The following TPM1 variants were observed in gnomAD, a reference collection of about 807,000 sequenced individuals.
TPM1 encodes tropomyosin 1.
Under a neutral mutation model 42.9 loss-of-function variants are expected in TPM1, and 24 were observed. The ratio of observed to expected loss-of-function variants is 0.56; its 90% CI spans 0.41 to 0.79. TPM1 has a LOEUF of 0.79. Ranked by LOEUF, TPM1 falls within the 30% of genes least tolerant of loss-of-function variation. The probability of loss-of-function intolerance (pLI) is 0.00; values close to 1 mark genes in which losing one functional copy is unlikely to be tolerated. For synonymous variants in TPM1, 136 were observed against 130.1 expected (o/e 1.05, Z -0.31); for missense variants, 158 against 351.8 (o/e 0.45, Z 4.41).
chr15:63,045,617 A>C (rs2032236168), intron 2 of TPM1: 1 of 152,268 alleles, frequency 6.6e-6, no homozygotes. Flanking sequence ...GAATTTGAAA[A>C]TAGCCCAGTA....
At chr15:63,049,052 C>T (rs576722410) in intron 2 of TPM1, 19 of 319,688 alleles carry the variant, frequency 5.9e-5, no homozygotes, top group Non-Finnish European at 1.1e-4. Context: ...CTTTGCGCTG[C>T]TGGCTTGCTT....
At position 63,045,636 on chromosome 15, in the gene TPM1, G is replaced by T. The variant is rs143630976; in HGVS notation, c.240+1484G>T. The T allele has an allele frequency of 2.0e-5, 3 of 152,250 alleles. No individual in the cohort carries two copies. The East Asian group carries it at 5.8e-4, about 29-fold the overall frequency. 9.4% of individuals were successfully genotyped at this position (152,250 alleles called of 1,614,324 possible). On this transcript the variant is annotated intron_variant, in intron 2 of 9. Coordinates refer to ENST00000403994, the MANE Select transcript of TPM1 (RefSeq NM_001018005.2). Reference sequence around the variant, plus strand: ...TTGAAAATAGCCCAGTAAGACTGAAGGCAAAAGAGGGAGAAAAAGGTTACT... The same window carrying T: ...TTGAAAATAGCCCAGTAAGACTGAATGCAAAAGAGGGAGAAAAAGGTTACT...
Position 63,048,499 on chromosome 15 carries a change from G to C in TPM1, c.240+4347G>C, listed in dbSNP as rs538759113. 1.6e-5 allele frequency: 24 copies of C among 1,458,510 alleles called. No homozygotes were observed. The South Asian group carries it at 2.4e-4, about 15-fold the overall frequency. The allele number at this position is 1,458,510 out of a possible 1,614,324, so 90.3% of individuals were successfully genotyped here. ...GGACCGGCGCTGGGCAGCCAGGACAGCCGCGGCAGCCGGGTCCGCAGGGCA... is the reference window on the plus strand; with the variant it reads ...GGACCGGCGCTGGGCAGCCAGGACACCCGCGGCAGCCGGGTCCGCAGGGCA... On this transcript the variant is annotated intron_variant, in intron 2 of 9. Transcript: ENST00000403994.
chr15:63,064,273 G>A, intron 9 of TPM1, 131 bp downstream of exon 9: 1 of 1,535,912 alleles, frequency 6.5e-7, no homozygotes, highest in South Asian at 1.2e-5. Flanking sequence ...TCATAACCTA[G>A]AATAGTCATT....
At chr15:63,063,257 GAA>G in intron 8 of TPM1, 1 of 985,296 alleles carries the variant, frequency 1.0e-6, no homozygotes, top group Non-Finnish European at 1.2e-6. Context: ...GAACAAGAAA[GAA>G]AAAAGACAAA....
chr15:63,062,292 G>A lies in TPM1; in HGVS notation c.702+15G>A. 1 of 1,613,050 alleles carries A rather than the reference G, an allele frequency of 6.2e-7. No individual in the cohort carries two copies. Among genetic ancestry groups the A allele is most frequent in the Non-Finnish European group, 8.5e-7 (1 of 1,179,016 alleles). ...AGCTGAAGGAGGTAATATGAGAGTT[G>A]TGGATGAAGCCAACTGGATTTTAAA... On this transcript the variant is annotated intron_variant, in intron 7 of 9. Coordinates refer to ENST00000403994, the MANE Select transcript of TPM1 (RefSeq NM_001018005.2).
downstream of TPM1, chr15:63,070,834 T>C (rs1188457461): frequency 7.8e-7 from 1 of 1,278,976 alleles, no homozygotes; most frequent in African/African-American, 1.5e-5. Flanking sequence ...CCCACGTGCA[T>C]TTTATCCTCA....
At chr15:63,048,174 T>TAC (rs1566942036) in intron 2 of TPM1, 1 of 451,790 alleles carries the variant, frequency 2.2e-6, no homozygotes, top group Non-Finnish European at 4.4e-6. Context: ...CCAGCTCCGT[T>TAC]ACCCCGGGTC....
At chr15:63,068,558 G>A (rs1433978430), downstream of TPM1, among the ~76,000 whole-genome samples, 1 of 152,168 alleles carries the variant, frequency 6.6e-6, no homozygotes, top group Non-Finnish European at 1.5e-5. Flanking sequence ...CTAGGGGTAG[G>A]TCTGTTAGCT....
chr15:63,065,118 A>G (rs2036137463), intron 9 of TPM1: 2 of 985,380 alleles, frequency 2.0e-6, no homozygotes, highest in South Asian at 4.7e-5. Flanking sequence ...AGATTGTACA[A>G]TGTGAGCTTG....
In TPM1 at chr15:63,043,838, G is replaced by C. The variant is rs1057520978; in HGVS notation, c.115-189G>C. 5 of 1,548,474 alleles carry C rather than the reference G, an allele frequency of 3.2e-6. No homozygotes were observed. The highest frequency in any genetic ancestry group is 2.7e-5 in the African/African-American group (2 of 73,130). On this transcript the variant is annotated intron_variant, in intron 1 of 9. Coordinates refer to ENST00000403994, the MANE Select transcript of TPM1 (RefSeq NM_001018005.2). ...CGAAGAGGCCGCCGCCAAGGTACCC[G>C]GGGCGCGCGGCACGGCGTGGCGCAC...
chr15:63,066,219 C>T (rs868734809), downstream of TPM1: 6 of 1,347,932 alleles, frequency 4.5e-6, no homozygotes, highest in Middle Eastern at 5.7e-4. Flanking sequence ...TTTTTAAATA[C>T]TGAACACTAT....
intron 2 of TPM1, chr15:63,048,771 G>A (rs1157364929): frequency 3.3e-6 from 5 of 1,512,220 alleles, no homozygotes; most frequent in Non-Finnish European, 4.4e-6. Context: ...AGCCCCGCAG[G>A]GCCCTCCTGC....
At chr15:63,063,850 C>G in intron 8 of TPM1, 1 of 570,332 alleles carries the variant, frequency 1.8e-6, no homozygotes, top group Admixed American at 3.4e-5. Context: ...ATTTTATTTT[C>G]TAATGGGTTT....
chr15:63,062,947 ACT>A (rs1391153016), intron 8 of TPM1: 14 of 1,425,146 alleles, frequency 9.8e-6, no homozygotes, highest in Non-Finnish European at 1.1e-5. Flanking sequence ...GGTGAGAATG[ACT>A]CTAGTATATT....
intron 2 of TPM1, 105 bp from the exon 3 acceptor site, chr15:63,056,880 A>T: frequency 6.6e-7 from 1 of 1,518,400 alleles, no homozygotes; most frequent in South Asian, 1.1e-5. Context: ...GCTCACCACA[A>T]GACAGTCTTC....
chr15:63,042,933 G>A lies in TPM1; in HGVS notation c.104G>A (p.Arg35Lys), dbSNP rs730881152. Residue 35 changes from arginine to lysine, a missense_variant, in exon 1 of 10, where the codon AGG (arginine) becomes AAG (lysine). Arg to Lys is a conservative substitution (Grantham distance 26). Around this residue, in one of 4 missense-constraint regions of TPM1, gnomAD observed 24 missense variants for 26.8 expected, o/e 0.89. Transcript: ENST00000403994. ...GCCGACAAGAAGGCGGCGGAAGACA[G>A]GAGCAAGCAGGTCTGCGCCTCCCCG... ...AEADKKAAED[R>K]SKQLEDELVS... 6.3e-7 allele frequency: 1 copy of A among 1,599,964 alleles called. No homozygotes were observed. The highest frequency in any genetic ancestry group is 8.5e-7 in the Non-Finnish European group (1 of 1,173,460).
chr15:63,056,001 A>G (rs1484445870), intron 2 of TPM1: 1 of 152,228 alleles, frequency 6.6e-6, no homozygotes, highest in Non-Finnish European at 1.5e-5. Context: ...CTTTTCTTGT[A>G]TTAACCTTGA....
chr15:63,056,862 T>G (rs963560712), intron 2 of TPM1, 123 bp from the exon 3 acceptor site: 20 of 1,346,418 alleles, frequency 1.5e-5, no homozygotes, highest in Non-Finnish European at 2.1e-5. Context: ...GTAATGCACT[T>G]AAAGGTAGCT....
Sources: allele counts gnomAD v4.1 joint callset (sites outside exome capture counted in the v4.1 genomes callset), GRCh38; gene constraint gnomAD v4.1.1; regional missense constraint gnomAD v4.1.1; transcripts MANE v1.5; gene names NCBI Gene and HGNC (gene_info 2026-07-23, HGNC 2026-07-21).